Variants in LRIF1 observed in about 807,000 individuals in gnomAD.
The protein encoded by LRIF1 is ligand dependent nuclear receptor interacting factor 1.
Under a neutral mutation model 52.7 loss-of-function variants are expected in LRIF1, and 32 were observed. The observed-to-expected ratio is 0.61, with a 90% CI of 0.46 to 0.82. LRIF1 has a LOEUF of 0.82. LRIF1 is among the 40% of genes least tolerant of loss of function. The pLI, the probability that LRIF1 is intolerant of heterozygous loss-of-function variation, is 0.00. For synonymous variants in LRIF1, 323 were observed against 317.4 expected (o/e 1.02, Z -0.19); for missense variants, 887 against 892.0 (o/e 0.99, Z 0.07).
the LRIF1 span, among the ~76,000 whole-genome samples, chr1:110,926,806 G>A: frequency 6.6e-6 from 1 of 152,130 alleles, no homozygotes; most frequent in East Asian, 1.9e-4. Context: ...AAAGGATCAA[G>A]AATGTCAAGA....
chr1:110,959,930 T>C (rs981339062), intron 1 of LRIF1, among the ~76,000 whole-genome samples: 1 of 152,182 alleles, frequency 6.6e-6, no homozygotes, highest in Admixed American at 6.5e-5. Flanking sequence ...AATATATTTT[T>C]TTCAACTGCT....
chr1:110,947,053 AG>A (rs963063205), downstream of LRIF1: 5 of 152,720 alleles, frequency 3.3e-5, no homozygotes, highest in African/African-American at 1.2e-4. Flanking sequence ...GGGCTCAAGC[AG>A]TCCTCCCCAC....
downstream of LRIF1, chr1:110,944,455 A>C (rs1294596494): frequency 6.6e-6 from 1 of 152,264 alleles, no homozygotes; most frequent in Non-Finnish European, 1.5e-5. Context: ...GCAAGTTGGC[A>C]GTACATTGAT....
In LRIF1 at chr1:110,963,759, G is replaced by A; in HGVS notation, c.-71C>T. 8.1e-7 allele frequency: 1 copy of A among 1,238,736 alleles called. No individual in the cohort carries two copies. The highest frequency in any genetic ancestry group is 1.2e-6 in the Non-Finnish European group (1 of 865,344). 76.7% of individuals were successfully genotyped at this position (1,238,736 alleles called of 1,614,324 possible). A position where few individuals can be genotyped will look rare whatever the true frequency, so the allele number is the denominator to read the frequency against. ...GTGGGGCCGAGTTTCCCAATGGGGC[G>A]AGAACCAGAGCGAGGGAATGTTGGG... On this transcript the variant is annotated 5_prime_UTR_variant, in exon 1 of 4. Transcript: ENST00000369763.
chr1:110,899,169 A>C, the LRIF1 span: 9 of 1,613,808 alleles, frequency 5.6e-6, no homozygotes, highest in Non-Finnish European at 7.6e-6. Context: ...CCAGATTGAC[A>C]AAACCAGCCA....
the LRIF1 span, chr1:110,937,346 A>G: frequency 6.6e-6 from 1 of 152,132 alleles, no homozygotes; most frequent in Non-Finnish European, 1.5e-5. Flanking sequence ...CGAGTCTTAA[A>G]ACATTCAAAA....
the LRIF1 span, among the ~76,000 whole-genome samples, chr1:110,898,144 G>A: frequency 6.6e-6 from 1 of 152,114 alleles, no homozygotes; most frequent in African/African-American, 2.4e-5. Flanking sequence ...TTGGGAGGCT[G>A]AGGCAGGCAG....
At chr1:110,950,216 A>G (rs1658407718) in intron 2 of LRIF1, 93 bp from the exon 3 acceptor site, 1 of 1,395,558 alleles carries the variant, frequency 7.2e-7, no homozygotes, top group Admixed American at 2.3e-5. Context: ...CTTACATAAA[A>G]GAACATATCA....
intron 2 of LRIF1, among the ~76,000 whole-genome samples, chr1:110,951,041 T>A (rs1186538158): frequency 6.6e-6 from 1 of 152,196 alleles, no homozygotes; most frequent in Non-Finnish European, 1.5e-5. Flanking sequence ...TTTTTTGTTT[T>A]AAAGATTTGG....
the LRIF1 span, among the ~76,000 whole-genome samples, chr1:110,935,753 T>G: frequency 2.0e-5 from 3 of 150,914 alleles, no homozygotes; most frequent in Non-Finnish European, 4.4e-5. Flanking sequence ...AAAGAGGAGG[T>G]AGAGAGAGAG....
the LRIF1 span, among the ~76,000 whole-genome samples, chr1:110,877,030 C>T: frequency 6.6e-6 from 1 of 152,150 alleles, no homozygotes; most frequent in Non-Finnish European, 1.5e-5. Flanking sequence ...AACACTTATG[C>T]AATATAATTA....
chr1:110,911,104 A>G, the LRIF1 span, among the ~76,000 whole-genome samples: 2 of 152,162 alleles, frequency 1.3e-5, no homozygotes, highest in Non-Finnish European at 2.9e-5. Context: ...GTAGCTCACT[A>G]TAGATTAATA....
chr1:110,952,888 G>T (rs1052865080), intron 1 of LRIF1, 73 bp from the exon 2 acceptor site: 5 of 758,718 alleles, frequency 6.6e-6, no homozygotes, highest in South Asian at 1.4e-4. Flanking sequence ...ATAAATATTT[G>T]TAAATATTTG....
the LRIF1 span, among the ~76,000 whole-genome samples, chr1:110,913,603 G>A: frequency 8.6e-5 from 13 of 152,040 alleles, no homozygotes; most frequent in African/African-American, 2.4e-4. Flanking sequence ...ACCATCTCAC[G>A]CCAGTCAGAA....
the LRIF1 span, chr1:110,940,408 G>A: frequency 6.6e-6 from 1 of 152,114 alleles, no homozygotes; most frequent in Non-Finnish European, 1.5e-5. Context: ...AACTACTATT[G>A]AGAACAGTTT....
At chr1:110,894,125 G>A in the LRIF1 span, among the ~76,000 whole-genome samples, 3 of 152,208 alleles carry the variant, frequency 2.0e-5, no homozygotes, top group Non-Finnish European at 4.4e-5. Flanking sequence ...GAGCAAAGAA[G>A]ACAGTTGATC....
chr1:110,900,675 A>G, the LRIF1 span, among the ~76,000 whole-genome samples: 3 of 149,226 alleles, frequency 2.0e-5, no homozygotes, highest in Admixed American at 6.8e-5. Flanking sequence ...TTTATTTATA[A>G]CCCCAGATGT....
chr1:110,886,856 T>TAC, the LRIF1 span, among the ~76,000 whole-genome samples: 1 of 73,532 alleles, frequency 1.4e-5, no homozygotes, highest in South Asian at 4.1e-4. Flanking sequence ...AATATATATA[T>TAC]ATATATATAT....
At chr1:110,922,861 T>C in the LRIF1 span, among the ~76,000 whole-genome samples, 1 of 152,272 alleles carries the variant, frequency 6.6e-6, no homozygotes, top group South Asian at 2.1e-4. Flanking sequence ...CTAGAGGCTA[T>C]GGCATTCCTT....
Sources: gnomAD v4.1 joint callset for allele counts (sites outside exome capture counted in the v4.1 genomes callset) on GRCh38, gnomAD v4.1.1 for gene constraint, MANE v1.5 for transcripts, NCBI Gene and HGNC (gene_info 2026-07-23, HGNC 2026-07-21) for gene names.